HYAL4: variants seen among roughly 807,000 people sequenced by gnomAD.
HYAL4 encodes the protein hyaluronidase 4.
HYAL4 carries 37 observed loss-of-function variants against 35.2 expected under a neutral mutation model. The observed-to-expected ratio is 1.05, with a 90% CI of 0.81 to 1.38. HYAL4 has a LOEUF of 1.38. Ranked by LOEUF, HYAL4 falls within the 40% of genes most tolerant of loss-of-function variation. The pLI, the probability that HYAL4 is intolerant of heterozygous loss-of-function variation, is 0.00. For missense variants in HYAL4, 572 were observed against 572.4 expected (o/e 1.00, Z 0.01); for synonymous variants, 198 against 203.2 (o/e 0.97, Z 0.22).
chr7:123,841,497 T>C (rs746534206), upstream of HYAL4, among the ~76,000 whole-genome samples: 4 of 152,046 alleles, frequency 2.6e-5, no homozygotes, highest in Non-Finnish European at 5.9e-5. Flanking sequence ...CAGGATGATG[T>C]TGGCCTCATA....
chr7:123,832,221 A>T (rs2116906604), intron 1 of HYAL4, among the ~76,000 whole-genome samples: 1 of 152,134 alleles, frequency 6.6e-6, no homozygotes, highest in East Asian at 1.9e-4. Context: ...GAATATTAGA[A>T]TTTCTCTTTC....
At chr7:123,805,899 C>T in the HYAL4 span, among the ~76,000 whole-genome samples, 7 of 152,042 alleles carry the variant, frequency 4.6e-5, no homozygotes, top group Admixed American at 6.6e-5. Flanking sequence ...GAGGCTGAAG[C>T]GGGAGAATCA....
At chr7:123,784,539 G>C in the HYAL4 span, among the ~76,000 whole-genome samples, 1 of 152,192 alleles carries the variant, frequency 6.6e-6, no homozygotes, top group Non-Finnish European at 1.5e-5. Context: ...GAGAAGGTCA[G>C]AAATAGGAAA....
intron 1 of HYAL4, among the ~76,000 whole-genome samples, chr7:123,833,132 C>G (rs948679394): frequency 6.6e-6 from 1 of 152,172 alleles, no homozygotes; most frequent in African/African-American, 2.4e-5. Context: ...GGTAGTTCTA[C>G]TTTTATTCTT....
intron 2 of HYAL4, among the ~76,000 whole-genome samples, chr7:123,865,668 G>A (rs1806671622): frequency 6.6e-6 from 1 of 152,134 alleles, no homozygotes; most frequent in African/African-American, 2.4e-5. Context: ...TTTTACAGCA[G>A]TGTCCAAGGC....
At chr7:123,841,816 A>G (rs1806071488), upstream of HYAL4, among the ~76,000 whole-genome samples, 1 of 151,874 alleles carries the variant, frequency 6.6e-6, no homozygotes, top group South Asian at 2.1e-4. Context: ...GGTAGTTTGT[A>G]TTTTGTAGGA....
chr7:123,818,473 C>T, the HYAL4 span, among the ~76,000 whole-genome samples: 4,364 of 152,280 alleles, frequency 0.029, 87 homozygotes, highest in Middle Eastern at 0.061. Context: ...GAAGCCTTCC[C>T]AGACTCTTCC....
the HYAL4 span, among the ~76,000 whole-genome samples, chr7:123,794,308 C>T: frequency 6.6e-6 from 1 of 152,142 alleles, no homozygotes. Flanking sequence ...AAAGGAAAAC[C>T]CATTTTCTGT....
the HYAL4 span, among the ~76,000 whole-genome samples, chr7:123,812,131 C>T: frequency 2.2e-4 from 33 of 152,134 alleles, no homozygotes; most frequent in Non-Finnish European, 2.2e-4. Context: ...TGAGCCACTG[C>T]GTCTGGCTGG....
At chr7:123,766,303 G>A in the HYAL4 span, among the ~76,000 whole-genome samples, 1 of 152,208 alleles carries the variant, frequency 6.6e-6, no homozygotes, top group South Asian at 2.1e-4. Context: ...GATTTTCAAA[G>A]CATATGAATC....
the HYAL4 span, among the ~76,000 whole-genome samples, chr7:123,806,689 T>A: frequency 6.6e-6 from 1 of 151,746 alleles, no homozygotes; most frequent in South Asian, 2.1e-4. Context: ...CAACCTCAGG[T>A]GATCCATCCA....
At chr7:123,806,171 A>C in the HYAL4 span, among the ~76,000 whole-genome samples, 3 of 152,192 alleles carry the variant, frequency 2.0e-5, no homozygotes, top group African/African-American at 7.2e-5. Context: ...ATAATAGTAC[A>C]TACAGAGATC....
chr7:123,803,936 A>G, the HYAL4 span, among the ~76,000 whole-genome samples: 2 of 152,158 alleles, frequency 1.3e-5, no homozygotes, highest in Non-Finnish European at 2.9e-5. Context: ...TTTAAACCAC[A>G]TTTGATAGCT....
chr7:123,787,834 AATTT>A, the HYAL4 span, among the ~76,000 whole-genome samples: 1 of 152,178 alleles, frequency 6.6e-6, no homozygotes, highest in Non-Finnish European at 1.5e-5. Context: ...AAAAAGAGAT[AATTT>A]TTTTAACCAT....
intron 1 of HYAL4, among the ~76,000 whole-genome samples, chr7:123,836,099 C>G (rs1209102036): frequency 6.6e-6 from 1 of 151,992 alleles, no homozygotes; most frequent in Non-Finnish European, 1.5e-5. Flanking sequence ...TCCATTTGTT[C>G]CAAGGTATAG....
At chr7:123,792,957 C>T in the HYAL4 span, among the ~76,000 whole-genome samples, 2 of 152,166 alleles carry the variant, frequency 1.3e-5, no homozygotes, top group African/African-American at 2.4e-5. Flanking sequence ...GCTCTGAGGT[C>T]CCTTCGGGCC....
intron 2 of HYAL4, among the ~76,000 whole-genome samples, chr7:123,864,476 G>T (rs1413141105): frequency 1.3e-5 from 2 of 152,124 alleles, no homozygotes; most frequent in Non-Finnish European, 2.9e-5. Context: ...GTTTACAGGA[G>T]CACATTTGCC....
chr7:123,774,709 C>T, the HYAL4 span, among the ~76,000 whole-genome samples: 12 of 152,146 alleles, frequency 7.9e-5, no homozygotes, highest in East Asian at 1.9e-4. Context: ...TTTTCTGATC[C>T]GGCTCACATA....
intron 1 of HYAL4, among the ~76,000 whole-genome samples, chr7:123,837,237 T>A (rs950149473): frequency 2.2e-4 from 33 of 152,326 alleles, no homozygotes; most frequent in African/African-American, 7.5e-4. Flanking sequence ...AGGACCCCAA[T>A]CCCTTATAAC....
Sources: allele counts gnomAD v4.1 joint callset (sites outside exome capture counted in the v4.1 genomes callset), GRCh38; gene constraint gnomAD v4.1.1; transcripts MANE v1.5; gene names NCBI Gene and HGNC (gene_info 2026-07-23, HGNC 2026-07-21).